KDM6A: variants seen among roughly 807,000 people sequenced by gnomAD.
KDM6A encodes lysine demethylase 6A, also known as lysine-specific demethylase 6A.
A neutral mutation model predicts 117.6 loss-of-function variants in KDM6A; 11 were observed. The observed-to-expected ratio is 0.09, with a 90% CI of 0.06 to 0.15. The LOEUF (loss-of-function observed/expected upper bound fraction) is 0.15. Among genes scored for constraint, KDM6A ranks in the 10% least tolerant of loss-of-function variants. KDM6A has a pLI of 1.00. For missense variants in KDM6A, 799 were observed against 1,077.3 expected (o/e 0.74, Z 3.62); for synonymous variants, 384 against 396.1 (o/e 0.97, Z 0.36).
At chrX:45,098,400 G>A (rs1369153236) in intron 27 of KDM6A, among the ~76,000 whole-genome samples, 3 of 112,776 alleles carry the variant, frequency 2.7e-5, no homozygotes, top group Non-Finnish European at 5.6e-5. Context: ...GGGTAAAATA[G>A]ACTACACTTG....
chrX:45,031,066 G>A (rs2042584234), intron 6 of KDM6A, among the ~76,000 whole-genome samples: 1 of 112,155 alleles, frequency 8.9e-6, no homozygotes. Flanking sequence ...TCTTTGACAT[G>A]CAACAGTACC....
chrX:44,986,067 A>C, intron 4 of KDM6A, among the ~76,000 whole-genome samples: 1 of 111,705 alleles, frequency 9.0e-6, no homozygotes, highest in Non-Finnish European at 1.9e-5. Context: ...TAAGCTATTA[A>C]TTATTGCCTC....
chrX:45,038,901 G>A (rs2042930899), intron 8 of KDM6A, among the ~76,000 whole-genome samples: 1 of 110,272 alleles, frequency 9.1e-6, no homozygotes, highest in African/African-American at 3.3e-5. Flanking sequence ...AAATACTGTT[G>A]GTTTTTTTTT....
At chrX:45,075,726 A>G (rs1365108936) in intron 18 of KDM6A, among the ~76,000 whole-genome samples, 1 of 111,700 alleles carries the variant, frequency 9.0e-6, no homozygotes, top group Non-Finnish European at 1.9e-5. Context: ...CAAGATAAGG[A>G]AAATTAATTT....
intron 3 of KDM6A, among the ~76,000 whole-genome samples, chrX:44,971,802 T>C (rs2084230825): frequency 9.0e-6 from 1 of 111,441 alleles, no homozygotes; most frequent in African/African-American, 3.3e-5. Flanking sequence ...GTAAAGTTTG[T>C]TTATGCTTCC....
At position 45,070,078 on chromosome X, in the gene KDM6A, A is replaced by G. The variant is rs2044749099; in HGVS notation, c.2579A>G (p.His860Arg). The change falls in exon 18 of 30, where the codon CAT (histidine) becomes CGT (arginine). Residue 860 changes from histidine (H) to arginine (R), a missense_variant. By Grantham distance (29) the His-to-Arg change is conservative. Around this residue, in one of 8 missense-constraint regions of KDM6A, gnomAD observed 291 missense variants for 437.9 expected, o/e 0.66. Coordinates refer to ENST00000611820, the MANE Select transcript of KDM6A (RefSeq NM_001291415.2). ...DKVNNIHPAVHTKTDNSVASS... is the reference protein window; with the variant it reads ...DKVNNIHPAVRTKTDNSVASS... Reference sequence around the variant, plus strand: ...GTCAATAACATCCACCCAGCTGTTCATACAAAGACTGATAACTCTGTTGCC... The same window carrying G: ...GTCAATAACATCCACCCAGCTGTTCGTACAAAGACTGATAACTCTGTTGCC... The G allele has an allele frequency of 1.7e-6, 2 of 1,211,888 alleles. No individual in the cohort carries two copies. The highest frequency in any genetic ancestry group is 2.3e-4 in the Middle Eastern group (1 of 4,356).
At chrX:44,990,125 T>C (rs1040987894) in intron 4 of KDM6A, among the ~76,000 whole-genome samples, 2 of 112,289 alleles carry the variant, frequency 1.8e-5, no homozygotes, top group Non-Finnish European at 3.8e-5. Flanking sequence ...AGCACTGTTT[T>C]GCAATCTTAG....
chrX:44,948,864 A>T (rs1012136439), intron 2 of KDM6A, among the ~76,000 whole-genome samples: 1 of 111,815 alleles, frequency 8.9e-6, no homozygotes. Flanking sequence ...GGAAGGTTAT[A>T]TTGGTTCAGC....
At chrX:45,038,861 A>G (rs1241387474) in intron 8 of KDM6A, among the ~76,000 whole-genome samples, 1 of 111,605 alleles carries the variant, frequency 9.0e-6, no homozygotes, top group Non-Finnish European at 1.9e-5. Flanking sequence ...ATCATAGTTT[A>G]CATAAATTTT....
Position 44,921,745 on chromosome X carries a change from C to T in KDM6A, c.226-39539C>T, listed in dbSNP as rs2035950380. ...ATTGGATAGCTGCCAATATTTGGCT[C>T]TTATAAATAAACTGCTCTGAATATT... is the stretch of plus-strand genomic sequence containing the variant. On this transcript the variant is annotated intron_variant, in intron 2 of 29. Transcript: ENST00000611820. Among the ~76,000 whole-genome samples the T allele has an allele frequency of 3.6e-5, 4 of 110,527 alleles. No homozygotes were observed. The South Asian group carries it at 1.5e-3, about 42-fold the overall frequency.
intron 4 of KDM6A, among the ~76,000 whole-genome samples, chrX:44,975,679 C>T (rs918744764): frequency 6.3e-5 from 7 of 111,556 alleles, no homozygotes; most frequent in African/African-American, 2.0e-4. Context: ...CTATACAAAT[C>T]AGTGATTTTT....
chrX:45,025,806 C>T (rs1049594555), intron 6 of KDM6A, among the ~76,000 whole-genome samples: 8 of 112,036 alleles, frequency 7.1e-5, no homozygotes, highest in Non-Finnish European at 1.1e-4. Context: ...AGTTAGGTAA[C>T]CAAAAAGGGT....
intron 2 of KDM6A, among the ~76,000 whole-genome samples, chrX:44,903,754 C>A: frequency 9.0e-6 from 1 of 111,581 alleles, no homozygotes; most frequent in East Asian, 2.8e-4. Context: ...TTCTTTATTT[C>A]AGTTATATTT....
intron 3 of KDM6A, among the ~76,000 whole-genome samples, chrX:44,966,288 C>T (rs184552470): frequency 1.5e-4 from 16 of 109,740 alleles, no homozygotes; most frequent in African/African-American, 2.7e-4. Context: ...ACTAGAGGTG[C>T]GCGCCACCAC....
At chrX:45,039,901 T>C (rs2042988151) in intron 8 of KDM6A, among the ~76,000 whole-genome samples, 1 of 50,941 alleles carries the variant, frequency 2.0e-5, no homozygotes, top group Non-Finnish European at 3.6e-5. Context: ...AAGTCTCCCA[T>C]GTCTACTTCT....
chrX:44,899,996 G>A (rs1372601718), intron 2 of KDM6A, among the ~76,000 whole-genome samples: 3 of 111,895 alleles, frequency 2.7e-5, no homozygotes, highest in Non-Finnish European at 5.6e-5. Context: ...ATAACTAGAA[G>A]GCTTACTTTT....
intron 2 of KDM6A, 104 bp downstream of exon 2, chrX:44,874,091 T>A (rs777824536): frequency 1.7e-4 from 124 of 741,722 alleles, no homozygotes; most frequent in Non-Finnish European, 2.4e-4. Flanking sequence ...CCACGGACGA[T>A]GGTCGAGGGG....
chrX:45,092,240 A>G (rs1325221734), intron 27 of KDM6A, among the ~76,000 whole-genome samples: 1 of 111,635 alleles, frequency 9.0e-6, no homozygotes, highest in African/African-American at 3.3e-5. Context: ...GGTGTTTAGT[A>G]GATCACTTAA....
chrX:45,029,784 C>T (rs906969168), intron 6 of KDM6A, among the ~76,000 whole-genome samples: 5 of 110,878 alleles, frequency 4.5e-5, no homozygotes, highest in Non-Finnish European at 7.5e-5. Flanking sequence ...TAAGTTGGCT[C>T]ATATTCTGAT....
Sources: gnomAD v4.1 joint callset for allele counts (sites outside exome capture counted in the v4.1 genomes callset) on GRCh38, gnomAD v4.1.1 for gene constraint, gnomAD v4.1.1 regional missense constraint, MANE v1.5 for transcripts, NCBI Gene and HGNC (gene_info 2026-07-23, HGNC 2026-07-21) for gene names.